The following COL6A1 variants were observed in gnomAD, a reference collection of about 807,000 sequenced individuals.
The protein encoded by COL6A1 is collagen alpha-1(VI) chain.
Under a neutral mutation model 145.6 loss-of-function variants are expected in COL6A1, and 80 were observed. The observed-to-expected ratio is 0.55, with a 90% confidence interval of 0.46 to 0.66. The LOEUF (loss-of-function observed/expected upper bound fraction) is 0.66, where lower values mean the gene tolerates loss of function less well. Ranked by LOEUF, COL6A1 falls within the 30% of genes least tolerant of loss-of-function variation. The pLI, the probability that COL6A1 is intolerant of heterozygous loss-of-function variation, is 0.00. For synonymous variants in COL6A1, 638 were observed against 622.8 expected (o/e 1.02, Z -0.36); for missense variants, 1,364 against 1,473.8 (o/e 0.93, Z 1.22).
intron 34 of COL6A1, 93 bp downstream of exon 34, chr21:46,003,242 G>C: frequency 6.2e-7 from 1 of 1,607,506 alleles, no homozygotes; most frequent in Non-Finnish European, 8.5e-7. Flanking sequence ...GGAGGGCCTG[G>C]CGGTCACGAG....
intron 23 of COL6A1, 30 bp from the exon 24 acceptor site, chr21:45,998,368 C>T (rs748694018): frequency 2.7e-5 from 43 of 1,612,998 alleles, no homozygotes; most frequent in Non-Finnish European, 2.6e-5. Flanking sequence ...AATCAGAACC[C>T]GGTATCACTG....
chr21:45,999,545 G>A (rs916377519), intron 26 of COL6A1, 112 bp from the exon 27 acceptor site: 30 of 1,175,806 alleles, frequency 2.6e-5, no homozygotes, highest in Non-Finnish European at 3.5e-5. Flanking sequence ...GGAGGGACCG[G>A]GCAGGGGTGG....
chr21:45,993,661 C>G (rs1214942072), intron 19 of COL6A1, among the ~76,000 whole-genome samples: 1 of 152,178 alleles, frequency 6.6e-6, no homozygotes, highest in Admixed American at 6.5e-5. Context: ...TTTCTGACCT[C>G]CTCCCTGGGA....
At chr21:45,985,329 G>GAGAGAGAGAGACAAAGACAGAGGC in intron 3 of COL6A1, among the ~76,000 whole-genome samples, 1 of 151,546 alleles carries the variant, frequency 6.6e-6, no homozygotes, top group South Asian at 2.1e-4. Flanking sequence ...GATAGAAGCA[G>GAGAGAGAGAGACAAAGACAGAGGC]AGAGAGAGAG....
In COL6A1 at chr21:45,981,823, C is replaced by A; in HGVS notation, c.-28C>A. ...GCGGCGGCCCACTCTGCCCTGGCCGCGCTGTGTGGTGACCGCAGGCCCCAG... is the reference window on the plus strand; with the variant it reads ...GCGGCGGCCCACTCTGCCCTGGCCGAGCTGTGTGGTGACCGCAGGCCCCAG... On this transcript the variant is annotated 5_prime_UTR_variant, in exon 1 of 35. Transcript: ENST00000361866. The A allele has an allele frequency of 6.5e-7, 1 of 1,539,890 alleles. No individual in the cohort carries two copies. Among genetic ancestry groups the A allele is most frequent in the Non-Finnish European group, 8.8e-7 (1 of 1,139,164 alleles).
rs925406461 is a variant in COL6A1 at position 45,984,343 on chromosome 21, A to G, written c.302A>G (p.Gln101Arg). The G allele has an allele frequency of 4.3e-6, 7 of 1,612,410 alleles. No individual in the cohort carries two copies. The highest frequency in any genetic ancestry group is 2.7e-5 in the African/African-American group (2 of 74,942). The change falls in exon 3 of 35, where the codon CAA becomes CGA. Residue 101 changes from glutamine (Q) to arginine (R), a missense_variant. Around this residue, in one of 3 missense-constraint regions of COL6A1, gnomAD observed 414 missense variants for 437.6 expected, o/e 0.95. Transcript: ENST00000361866. ...TACAGTGACGAGGTGGAGATCATCC[A>G]AGGCCTCACGCGCATGCCTGGCGGC... is the stretch of plus-strand genomic sequence containing the variant. The part of the protein sequence containing the change: ...LHYSDEVEII[Q>R]GLTRMPGGRD...
chr21:45,982,548 G>A (rs1490262018), intron 1 of COL6A1, 86 bp from the exon 2 acceptor site: 3 of 1,593,986 alleles, frequency 1.9e-6, no homozygotes, highest in African/African-American at 2.7e-5. Context: ...TGCTGCAGGC[G>A]CTGGGCTGGC....
At chr21:45,983,325 A>G (rs1468308914) in intron 2 of COL6A1, among the ~76,000 whole-genome samples, 1 of 147,680 alleles carries the variant, frequency 6.8e-6, no homozygotes, top group Non-Finnish European at 1.5e-5. Context: ...ACGTTCCTCC[A>G]TCTGTGCGTG....
chr21:45,989,215 A>T (rs751226939), intron 9 of COL6A1, 78 bp downstream of exon 9: 91 of 1,470,786 alleles, frequency 6.2e-5, no homozygotes, highest in Non-Finnish European at 8.4e-5. Flanking sequence ...CTTCCGGAAG[A>T]GTGGCTGGGT....
intron 8 of COL6A1, among the ~76,000 whole-genome samples, chr21:45,988,442 GCGGGGTCCAGATGGAGGGGATGT>G (rs1367816901): frequency 7.2e-6 from 1 of 139,644 alleles, no homozygotes; most frequent in East Asian, 2.1e-4. Context: ...GGAGGGGACG[GCGGGGTCCAGATGGAGGGGATGT>G]CGGGGTCCAG....
chr21:45,990,047 G>A (rs1379112689), intron 11 of COL6A1, among the ~76,000 whole-genome samples: 1 of 140,172 alleles, frequency 7.1e-6, no homozygotes, highest in African/African-American at 2.6e-5. Context: ...TCCCCCGGGC[G>A]GTTACCCTCT....
chr21:45,992,406 G>C lies in COL6A1; in HGVS notation c.1272+8G>C. Reference sequence around the variant, plus strand: ...GGTGCCCCCGGGGAGCGGGTGAGTGGGGCAGGGGCAGCCTGCGCTGTTGGC... The same window carrying C: ...GGTGCCCCCGGGGAGCGGGTGAGTGCGGCAGGGGCAGCCTGCGCTGTTGGC... On this transcript the variant is annotated splice_region_variant and intron_variant, in intron 18 of 34. Transcript: ENST00000361866. 6.2e-7 allele frequency: 1 copy of C among 1,612,300 alleles called. No individual in the cohort carries two copies. Among genetic ancestry groups the C allele is most frequent in the Non-Finnish European group, 8.5e-7 (1 of 1,179,622 alleles).
rs775850097 is a variant in COL6A1 at position 45,990,961 on chromosome 21, C to T, written c.1057-18C>T. The T allele has an allele frequency of 2.5e-6, 4 of 1,613,370 alleles. No homozygotes were observed. The highest frequency in any genetic ancestry group is 1.7e-4 in the Middle Eastern group (1 of 6,050). On this transcript the variant is annotated intron_variant, in intron 14 of 34. Transcript: ENST00000361866. ...GGTGGCCTCTGCCGGTGGTGTCATGCTGCCCTCTTTTCTCCAGGGCATTCA... is the reference window on the plus strand; with the variant it reads ...GGTGGCCTCTGCCGGTGGTGTCATGTTGCCCTCTTTTCTCCAGGGCATTCA...
At position 46,004,654 on chromosome 21, in the gene COL6A1, T is replaced by C. The variant is rs1421853654; in HGVS notation, c.*641T>C. The C allele has an allele frequency of 2.3e-6, 1 of 439,312 alleles. No individual in the cohort carries two copies. Among genetic ancestry groups the C allele is most frequent in the Admixed American group, 2.5e-5 (1 of 40,668 alleles). 27.2% of individuals were successfully genotyped at this position (439,312 alleles called of 1,614,324 possible). On this transcript the variant is annotated 3_prime_UTR_variant, in exon 35 of 35. Coordinates refer to ENST00000361866, the MANE Select transcript of COL6A1 (RefSeq NM_001848.3). ...CGTTGCAGACATAAATCTCGGCGACTCGGCCCCGTCTCCTGAGGGTCCTGC... is the reference window on the plus strand; with the variant it reads ...CGTTGCAGACATAAATCTCGGCGACCCGGCCCCGTCTCCTGAGGGTCCTGC...
chr21:45,999,932 TCATGGGGGGGAC>T, intron 27 of COL6A1, among the ~76,000 whole-genome samples: 2 of 134,938 alleles, frequency 1.5e-5, no homozygotes, highest in Non-Finnish European at 1.6e-5. Context: ...CATGTGAGGA[TCATGGGGGGGAC>T]GTGTGAGGAT....
rs371231107 is a variant in COL6A1, at chr21:45,990,981, C to T, written c.1059C>T (p.Gly353=). Residue 353 remains glycine (G), a splice_region_variant and synonymous_variant, in exon 15 of 35, where the codon GGC becomes GGT. Transcript: ENST00000361866. The part of the protein sequence containing the change: ...PGCKGSPGFD[G]IQGPPGPKGD... Reference sequence around the variant, plus strand: ...TCATGCTGCCCTCTTTTCTCCAGGGCATTCAAGGACCCCCTGGCCCCAAGG... The same window carrying T: ...TCATGCTGCCCTCTTTTCTCCAGGGTATTCAAGGACCCCCTGGCCCCAAGG... 4.3e-6 allele frequency: 7 copies of T among 1,613,306 alleles called. No individual in the cohort carries two copies. In the Admixed American group the frequency reaches 8.3e-5, roughly 19 times the overall value.
intron 3 of COL6A1, among the ~76,000 whole-genome samples, chr21:45,986,321 C>G (rs969289259): frequency 1.3e-5 from 2 of 152,176 alleles, no homozygotes; most frequent in African/African-American, 4.8e-5. Context: ...CGTGGATTTT[C>G]CAAAGCAGTT....
intron 3 of COL6A1, among the ~76,000 whole-genome samples, chr21:45,985,136 A>G (rs1195688143): frequency 6.7e-6 from 1 of 150,096 alleles, no homozygotes; most frequent in African/African-American, 2.4e-5. Context: ...ACAGAGAGAC[A>G]GAGACAGAGA....
rs2077792357 is a variant in COL6A1, at chr21:45,994,214, T to C, written c.1383T>C (p.Gly461=). The change falls in exon 20 of 35, where the codon GGT becomes GGC. Residue 461 remains glycine (G), a synonymous_variant. Coordinates refer to ENST00000361866, the MANE Select transcript of COL6A1 (RefSeq NM_001848.3). The surrounding 1 kb of genome is among the most constrained non-coding windows in gnomAD (Gnocchi z 6.8). ...QGDQGREGPV[G]VPGDPGEAGP... Reference sequence around the variant, plus strand: ...ATCAGGGAAGAGAAGGCCCCGTTGGTGTCCCTGGAGACCCGGTAGGAAGCG... The same window carrying C: ...ATCAGGGAAGAGAAGGCCCCGTTGGCGTCCCTGGAGACCCGGTAGGAAGCG... 1 of 1,609,584 alleles carries C rather than the reference T, an allele frequency of 6.2e-7. No individual in the cohort carries two copies.
Sources: allele counts gnomAD v4.1 joint callset (sites outside exome capture counted in the v4.1 genomes callset), GRCh38; gene constraint gnomAD v4.1.1; regional missense constraint gnomAD v4.1.1; non-coding constraint Gnocchi (gnomAD v3.1); transcripts MANE v1.5; gene names NCBI Gene and HGNC (gene_info 2026-07-23, HGNC 2026-07-21).